Variants in PIK3R2 observed in about 807,000 individuals in gnomAD.
PIK3R2 encodes the protein phosphatidylinositol 3-kinase regulatory subunit beta.
A neutral mutation model predicts 78.5 loss-of-function variants in PIK3R2; 40 were observed. The ratio of observed to expected loss-of-function variants is 0.51; its 90% CI spans 0.40 to 0.66. The LOEUF is 0.66. Ranked by LOEUF, PIK3R2 falls within the 30% of genes least tolerant of loss-of-function variation. The pLI, the probability that PIK3R2 is intolerant of heterozygous loss-of-function variation, is 0.00. For synonymous variants in PIK3R2, 473 were observed against 457.7 expected (o/e 1.03, Z -0.43); for missense variants, 880 against 1,026.6 (o/e 0.86, Z 1.95).
At position 18,167,094 on chromosome 19, in the gene PIK3R2, C is replaced by A. The variant is rs1161918010; in HGVS notation, c.1560-36C>A. ...GAGGGTGCAGTGAGCCGAGATAAAA[C>A]CCTGAGGTCTCTGCGCCACCCCACC... On this transcript the variant is annotated intron_variant, in intron 12 of 15. Coordinates refer to ENST00000222254, the MANE Select transcript of PIK3R2 (RefSeq NM_005027.4). The surrounding 1 kb of genome is among the most constrained non-coding windows in gnomAD (Gnocchi z 4.5). 5 of 1,507,774 alleles carry A rather than the reference C, an allele frequency of 3.3e-6. No homozygotes were observed. The highest frequency in any genetic ancestry group is 2.8e-5 in the African/African-American group (2 of 70,660). The allele number at this position is 1,507,774 out of a possible 1,614,324, so 93.4% of individuals were successfully genotyped here. A position where few individuals can be genotyped will look rare whatever the true frequency, so the allele number is the denominator to read the frequency against.
intron 3 of PIK3R2, 97 bp downstream of exon 3, chr19:18,160,660 C>T (rs2043732348): frequency 2.9e-6 from 3 of 1,034,514 alleles, no homozygotes; most frequent in Non-Finnish European, 2.9e-6. Context: ...TCATGCTGCA[C>T]GGAAACAGGC....
intron 1 of PIK3R2, among the ~76,000 whole-genome samples, chr19:18,154,992 T>A (rs891901139): frequency 6.6e-6 from 1 of 150,994 alleles, no homozygotes; most frequent in Non-Finnish European, 1.5e-5. Context: ...GGCGAGCAGA[T>A]CACTTGAGGT....
At chr19:18,162,158 T>G (rs1035291181) in intron 7 of PIK3R2, 44 bp from the exon 8 acceptor site, 2 of 1,416,134 alleles carry the variant, frequency 1.4e-6, no homozygotes, top group African/African-American at 2.8e-5. Flanking sequence ...GCAGCCACAG[T>G]ATACAGTCGG....
rs116015407 is a variant in PIK3R2 at position 18,157,253 on chromosome 19, G to A, written c.322+1052G>A. 9.1e-3 allele frequency among the ~76,000 whole-genome samples: 1,389 copies of A among 152,326 alleles called. 27 individuals carry two copies. The highest frequency in any genetic ancestry group is 0.032 in the African/African-American group (1,316 of 41,574). ...AGGGCCCAGGCCTGCGTCCTGCCTC[G>A]GCCTGAAGGAGCAGGAGGTGGCCCC... On this transcript the variant is annotated intron_variant, in intron 2 of 15. Transcript: ENST00000222254.
chr19:18,163,175 G>C, intron 10 of PIK3R2, 28 bp downstream of exon 10: 1 of 1,613,160 alleles, frequency 6.2e-7, no homozygotes, highest in Non-Finnish European at 8.5e-7. Flanking sequence ...AGCCAGGGAG[G>C]GTAGCACCTG....
intron 2 of PIK3R2, among the ~76,000 whole-genome samples, chr19:18,159,527 C>T (rs980601888): frequency 1.2e-4 from 18 of 152,072 alleles, no homozygotes; most frequent in Admixed American, 6.5e-4. Context: ...CTGCAACCTC[C>T]GCCTCCTGGG....
At chr19:18,160,867 C>G in intron 3 of PIK3R2, 52 bp from the exon 4 acceptor site, 2 of 1,566,616 alleles carry the variant, frequency 1.3e-6, no homozygotes, top group Non-Finnish European at 1.7e-6. Context: ...CCAGGCCTCA[C>G]GAGGTCGGGG....
At position 18,168,232 on chromosome 19, in the gene PIK3R2, C is replaced by T. The variant is rs1326184655; in HGVS notation, c.1737-243C>T. Among the ~76,000 whole-genome samples, 3 of 152,114 alleles carry T rather than the reference C, an allele frequency of 2.0e-5. No homozygotes were observed. The East Asian group carries it at 5.8e-4, about 29-fold the overall frequency. ...TGGGCTGGCATCTTCTTGGGGGACT[C>T]CATAGGCGTTAACAGAAACAAAAAA... On this transcript the variant is annotated intron_variant, in intron 13 of 15. Coordinates refer to ENST00000222254, the MANE Select transcript of PIK3R2 (RefSeq NM_005027.4). This position sits in a 1 kb window ranked among gnomAD's most constrained non-coding sequence, Gnocchi z 4.1.
At chr19:18,169,029 G>T in intron 15 of PIK3R2, 58 bp from the exon 16 acceptor site, 1 of 1,579,200 alleles carries the variant, frequency 6.3e-7, no homozygotes. Flanking sequence ...GCCCTGGAAC[G>T]GGGAAAGCTT....
intron 3 of PIK3R2, 64 bp from the exon 4 acceptor site, chr19:18,160,855 G>T: frequency 6.4e-7 from 1 of 1,552,494 alleles, no homozygotes; most frequent in Admixed American, 1.9e-5. Context: ...TGAGCGGCCA[G>T]TCCAGGCCTC....
Position 18,155,444 on chromosome 19 carries a change from C to T in PIK3R2, c.-423-13C>T, listed in dbSNP as rs993881444. The T allele has an allele frequency of 7.5e-6, 3 of 401,890 alleles. No individual in the cohort carries two copies. The highest frequency in any genetic ancestry group is 3.6e-5 in the East Asian group (1 of 27,896). 24.9% of individuals were successfully genotyped at this position (401,890 alleles called of 1,614,324 possible). The stretch of plus-strand genomic sequence containing the variant: ...TTGGCCTGGCTAACGCTGCCCTATC[C>T]CTGTCTCCCTAGGTCGGCGTCCTCA... On this transcript the variant is annotated splice_polypyrimidine_tract_variant and intron_variant, in intron 1 of 15. Coordinates refer to ENST00000222254, the MANE Select transcript of PIK3R2 (RefSeq NM_005027.4).
chr19:18,166,363 G>A, intron 12 of PIK3R2, 61 bp downstream of exon 12: 1 of 1,469,496 alleles, frequency 6.8e-7, no homozygotes, highest in Non-Finnish European at 9.4e-7. Context: ...ACAAGCCAGG[G>A]AGGGAAGGAA....
At position 18,169,525 on chromosome 19, in the gene PIK3R2, T is replaced by TG. The variant is rs1346042200; in HGVS notation, c.*236dup. The TG allele has an allele frequency of 6.0e-6, 2 of 334,216 alleles. No homozygotes were observed. Among genetic ancestry groups the TG allele is most frequent in the African/African-American group, 4.4e-5 (2 of 45,908 alleles). The allele number at this position is 334,216 out of a possible 1,614,324, so 20.7% of individuals were successfully genotyped here. A position where few individuals can be genotyped will look rare whatever the true frequency, so the allele number is the denominator to read the frequency against. On this transcript the variant is annotated 3_prime_UTR_variant, in exon 16 of 16. Transcript: ENST00000222254. The stretch of plus-strand genomic sequence containing the variant: ...TCTTGGCCCCTGTCTCTCTCCATGT[T>TG]GGGGGTCCTAACTCCCCCACCCCAT...
chr19:18,159,144 C>CTTTTTTTTTTTTTTTTTTTTTT lies in PIK3R2; in HGVS notation c.323-1308_323-1307insTTTTTTTTTTTTTTTTTTTTTT, dbSNP rs57543686. Among the ~76,000 whole-genome samples the CTTTTTTTTTTTTTTTTTTTTTT allele has an allele frequency of 4.0e-5, 2 of 50,054 alleles. 1 individual carries two copies. Among genetic ancestry groups the CTTTTTTTTTTTTTTTTTTTTTT allele is most frequent in the African/African-American group, 1.6e-4 (2 of 12,600 alleles). The allele number at this position is 50,054 out of a possible 152,430, so 32.8% of individuals were successfully genotyped here. A position where few individuals can be genotyped will look rare whatever the true frequency, so the allele number is the denominator to read the frequency against. ...GGAGTGAGCCACTGCGCCTGGCCTC[C>CTTTTTTTTTTTTTTTTTTTTTT]TTTTTTTTTTTTTTTTTTTAAATTA... is the stretch of plus-strand genomic sequence containing the variant. On this transcript the variant is annotated intron_variant, in intron 2 of 15. Coordinates refer to ENST00000222254, the MANE Select transcript of PIK3R2 (RefSeq NM_005027.4).
chr19:18,157,765 C>G (rs577639048), intron 2 of PIK3R2, among the ~76,000 whole-genome samples: 2 of 123,136 alleles, frequency 1.6e-5, no homozygotes, highest in African/African-American at 6.3e-5. Flanking sequence ...GTTTTCGTTG[C>G]AGCTGGGCCT....
In PIK3R2 at chr19:18,166,225, G is replaced by C. The variant is rs771075635; in HGVS notation, c.1482G>C (p.Gln494His). The change falls in exon 12 of 16, where the codon CAG becomes CAC. Residue 494 changes from glutamine to histidine, a missense_variant. Physicochemically the swap from Gln to His is conservative, Grantham distance 24. Transcript: ENST00000222254. ...FNETIKIFEE[Q>H]GQTQEKCSKE... ...AGACTATCAAGATCTTTGAAGAGCA[G>C]GGCCAGACTCAAGAGAAATGCAGCA... is the stretch of plus-strand genomic sequence containing the variant. 3 of 1,614,104 alleles carry C rather than the reference G, an allele frequency of 1.9e-6. No homozygotes were observed. Among genetic ancestry groups the C allele is most frequent in the Non-Finnish European group, 2.5e-6 (3 of 1,179,994 alleles).
rs1484436824 is a variant in PIK3R2, at chr19:18,155,786, C to A, written c.-94C>A. 6 of 1,208,362 alleles carry A rather than the reference C, an allele frequency of 5.0e-6. No homozygotes were observed. The highest frequency in any genetic ancestry group is 5.6e-6 in the Non-Finnish European group (5 of 890,976). 74.9% of individuals were successfully genotyped at this position (1,208,362 alleles called of 1,614,324 possible). ...AGAGGTCCCAGCACCCCAAGCCAAC[C>A]CAGCGGACCCTCCCAGCCCTGCTTC... On this transcript the variant is annotated 5_prime_UTR_variant, in exon 2 of 16. Transcript: ENST00000222254.
At position 18,163,345 on chromosome 19, in the gene PIK3R2, G is replaced by A. The variant is rs148515229; in HGVS notation, c.1373G>A (p.Arg458His). Residue 458 changes from arginine (R) to histidine (H), a missense_variant, in exon 11 of 16, where the codon CGC (arginine) becomes CAC (histidine). By Grantham distance (29) the Arg-to-His change is conservative. Coordinates refer to ENST00000222254, the MANE Select transcript of PIK3R2 (RefSeq NM_005027.4). ...VYHQQYQDKS[R>H]EYDQLYEEYT... is the part of the protein sequence containing the mutation. ...CACCAGCAGTACCAGGACAAGAGCCGCGAGTATGACCAGCTTTATGAAGAG... is the reference window on the plus strand; with the variant it reads ...CACCAGCAGTACCAGGACAAGAGCCACGAGTATGACCAGCTTTATGAAGAG... 4 of 1,614,064 alleles carry A rather than the reference G, an allele frequency of 2.5e-6. No homozygotes were observed. Among genetic ancestry groups the A allele is most frequent in the South Asian group, 1.1e-5 (1 of 91,068 alleles).
At position 18,161,121 on chromosome 19, in the gene PIK3R2, G is replaced by T; in HGVS notation, c.534G>T (p.Leu178=). Residue 178 remains leucine (L), a synonymous_variant, in exon 5 of 16, where the codon CTG becomes CTT. Transcript: ENST00000222254. This position sits in a 1 kb window ranked among gnomAD's most constrained non-coding sequence, Gnocchi z 5.3. ...AALADGIKSF[L]LALPAPLVTP... ...TGGCTGACGGCATTAAGAGCTTCCT[G>T]CTGGCACTGCCCGCGCCGCTCGTGA... 1 of 1,579,636 alleles carries T rather than the reference G, an allele frequency of 6.3e-7. No individual in the cohort carries two copies. Among genetic ancestry groups the T allele is most frequent in the Non-Finnish European group, 8.6e-7 (1 of 1,163,712 alleles).
Sources: gnomAD v4.1 joint callset for allele counts (sites outside exome capture counted in the v4.1 genomes callset) on GRCh38, gnomAD v4.1.1 for gene constraint, Gnocchi (gnomAD v3.1) non-coding constraint, MANE v1.5 for transcripts, NCBI Gene and HGNC (gene_info 2026-07-23, HGNC 2026-07-21) for gene names.